Variants in LRRIQ3 observed in about 807,000 individuals in gnomAD.
The protein encoded by LRRIQ3 is leucine-rich repeat and IQ domain-containing protein 3.
Under a neutral mutation model 59.3 loss-of-function variants are expected in LRRIQ3, and 75 were observed. The observed-to-expected ratio is 1.26, with a 90% CI of 1.05 to 1.53. The LOEUF (loss-of-function observed/expected upper bound fraction) is 1.53, where lower values mean the gene tolerates loss of function less well. LRRIQ3 is among the 40% of genes most tolerant of loss of function. The pLI, the probability that LRRIQ3 is intolerant of heterozygous loss-of-function variation, is 0.00. For missense variants in LRRIQ3, 831 were observed against 710.0 expected, an observed-to-expected ratio of 1.17 and a Z score of -1.94; for synonymous variants, 250 against 231.3, an observed-to-expected ratio of 1.08 and a Z score of -0.73.
In LRRIQ3 at chr1:74,155,767, A is replaced by C; in HGVS notation, c.673T>G (p.Trp225Gly). 6.3e-7 allele frequency: 1 copy of C among 1,579,312 alleles called. No homozygotes were observed. The highest frequency in any genetic ancestry group is 8.6e-7 in the Non-Finnish European group (1 of 1,168,006). ...HNSPVLIVQR[W>G]IRGFLVRKNL... ...TTTCTAACTAAGAAACCACGTATCC[A>C]TCTTTGAACAATCAAAACTGGTGAA... The change falls in exon 4 of 8, where the codon TGG becomes GGG. Residue 225 changes from tryptophan (W) to glycine (G), a missense_variant. Physicochemically the swap from Trp to Gly is radical, Grantham distance 184. Coordinates refer to ENST00000354431, the MANE Select transcript of LRRIQ3 (RefSeq NM_001105659.2).
intron 5 of LRRIQ3, among the ~76,000 whole-genome samples, chr1:74,085,990 C>T (rs187091425): frequency 6.6e-6 from 1 of 152,116 alleles, no homozygotes; most frequent in Admixed American, 6.6e-5. Flanking sequence ...TCTGTAATCA[C>T]CCTCTCCATC....
chr1:74,042,121 T>C lies in LRRIQ3; in HGVS notation c.998-188A>G, dbSNP rs188604472. Among the ~76,000 whole-genome samples, 17 of 152,272 alleles carry C rather than the reference T, an allele frequency of 1.1e-4. 1 individual carries two copies. The highest frequency in any genetic ancestry group is 2.6e-4 in the Admixed American group (4 of 15,266). ...AGAAGAAAATCACTATTAAAACATTTTCACATAGAAATGCACTGAATCTAA... is the reference window on the plus strand; with the variant it reads ...AGAAGAAAATCACTATTAAAACATTCTCACATAGAAATGCACTGAATCTAA... On this transcript the variant is annotated intron_variant, in intron 6 of 7. Transcript: ENST00000354431.
chr1:74,139,323 C>T (rs946426419), intron 4 of LRRIQ3, among the ~76,000 whole-genome samples: 19 of 151,134 alleles, frequency 1.3e-4, no homozygotes, highest in African/African-American at 4.1e-4. Context: ...AAGGAAAAAG[C>T]GAGAAGCTAG....
chr1:74,034,424 G>T (rs190157974), intron 7 of LRRIQ3, among the ~76,000 whole-genome samples: 1 of 151,832 alleles, frequency 6.6e-6, no homozygotes, highest in South Asian at 2.1e-4. Context: ...AGATAATTCA[G>T]TTAACATATA....
chr1:74,156,423 A>AT (rs1273657361), intron 3 of LRRIQ3, among the ~76,000 whole-genome samples: 4 of 152,160 alleles, frequency 2.6e-5, no homozygotes, highest in Non-Finnish European at 5.9e-5. Flanking sequence ...TAATAAATAC[A>AT]TTTTTATTAT....
chr1:74,051,895 A>G (rs999210618), intron 6 of LRRIQ3, among the ~76,000 whole-genome samples: 2 of 152,174 alleles, frequency 1.3e-5, no homozygotes, highest in African/African-American at 4.8e-5. Flanking sequence ...TTTAGGTAGA[A>G]CAAAATATTT....
rs563024521 is a variant in LRRIQ3 at position 74,143,014 on chromosome 1, C to A, written c.707+12719G>T. Among the ~76,000 whole-genome samples, 56 of 152,010 alleles carry A rather than the reference C, an allele frequency of 3.7e-4. 1 individual carries two copies. Among genetic ancestry groups the A allele is most frequent in the Non-Finnish European group, 5.0e-4 (34 of 67,948 alleles). ...AAATATTCTGCTCCTAGTACCACTTCTGAAAAATGGAAAACTGCTTTCTAA... is the reference window on the plus strand; with the variant it reads ...AAATATTCTGCTCCTAGTACCACTTATGAAAAATGGAAAACTGCTTTCTAA... On this transcript the variant is annotated intron_variant, in intron 4 of 7. Transcript: ENST00000354431.
chr1:74,138,547 G>A, intron 4 of LRRIQ3: 1 of 952,286 alleles, frequency 1.1e-6, no homozygotes, highest in Non-Finnish European at 1.3e-6. Flanking sequence ...AAAACTGCAA[G>A]TGGAACTCTT....
intron 5 of LRRIQ3, among the ~76,000 whole-genome samples, chr1:74,076,430 T>C (rs1424108810): frequency 1.3e-5 from 2 of 152,070 alleles, no homozygotes; most frequent in Non-Finnish European, 2.9e-5. Context: ...CAAAACAATA[T>C]TTTTTTCCTC....
chr1:74,109,798 T>C (rs1262629480), intron 4 of LRRIQ3, among the ~76,000 whole-genome samples: 1 of 151,798 alleles, frequency 6.6e-6, no homozygotes, highest in African/African-American at 2.4e-5. Flanking sequence ...AATTCTGTAC[T>C]TACATCTGGC....
At chr1:74,108,993 C>A in intron 5 of LRRIQ3, 1 of 277,638 alleles carries the variant, frequency 3.6e-6, no homozygotes. Context: ...CTTTCAATTT[C>A]CACTGGGTCC....
At chr1:74,062,021 G>C (rs1302966823) in intron 6 of LRRIQ3, among the ~76,000 whole-genome samples, 1 of 152,074 alleles carries the variant, frequency 6.6e-6, no homozygotes, top group Non-Finnish European at 1.5e-5. Context: ...GAGACAGAGT[G>C]AGAGTTTTTT....
At position 74,041,548 on chromosome 1, in the gene LRRIQ3, C is replaced by G; in HGVS notation, c.1383G>C (p.Leu461Phe). 3 of 1,612,184 alleles carry G rather than the reference C, an allele frequency of 1.9e-6. No homozygotes were observed. Among genetic ancestry groups the G allele is most frequent in the Non-Finnish European group, 2.5e-6 (3 of 1,179,508 alleles). Residue 461 changes from leucine (L) to phenylalanine (F), a missense_variant, in exon 7 of 8, where the codon TTG (leucine) becomes TTC (phenylalanine). Physicochemically the swap from Leu to Phe is conservative, Grantham distance 22 (BLOSUM62 0). Transcript: ENST00000354431. ...TTTGTGTAGCATATTTTTTCTGATT[C>G]AAATGTTCATTAACAGCTACTCTAA... ...ERVRVAVNEH[L>F]NQKKYATQKL...
intron 6 of LRRIQ3, among the ~76,000 whole-genome samples, chr1:74,056,146 AAAAT>A (rs34325293): frequency 0.5 from 71,320 of 142,346 alleles, 18,322 homozygotes; most frequent in Admixed American, 0.57. Flanking sequence ...ATCTGTCTCA[AAAAT>A]AAATAAATAA....
intron 4 of LRRIQ3, among the ~76,000 whole-genome samples, chr1:74,138,111 G>T (rs1019291287): frequency 6.9e-6 from 1 of 145,956 alleles, no homozygotes; most frequent in Non-Finnish European, 1.5e-5. Flanking sequence ...AAAGGAAGAA[G>T]AAAAGAAATA....
chr1:74,040,199 AT>A (rs746303648), intron 7 of LRRIQ3, among the ~76,000 whole-genome samples: 17 of 152,208 alleles, frequency 1.1e-4, no homozygotes, highest in Non-Finnish European at 1.9e-4. Flanking sequence ...AAAGAAGGGC[AT>A]TACATAATGG....
intron 7 of LRRIQ3, among the ~76,000 whole-genome samples, chr1:74,029,422 T>C (rs1020346495): frequency 2.0e-5 from 3 of 152,256 alleles, no homozygotes; most frequent in Admixed American, 2.0e-4. Context: ...TCTTGAATTT[T>C]GTCAAAGGCC....
At chr1:74,167,756 AT>A (rs898095487) in intron 3 of LRRIQ3, among the ~76,000 whole-genome samples, 1 of 151,852 alleles carries the variant, frequency 6.6e-6, no homozygotes, top group Non-Finnish European at 1.5e-5. Flanking sequence ...ACAAAAACCT[AT>A]TCAAATGATA....
intron 4 of LRRIQ3, among the ~76,000 whole-genome samples, chr1:74,136,070 A>G (rs528467175): frequency 6.6e-6 from 1 of 152,034 alleles, no homozygotes; most frequent in African/African-American, 2.4e-5. Flanking sequence ...ACCTTACAGA[A>G]ATTAAAAATA....
Sources: allele counts gnomAD v4.1 joint callset (sites outside exome capture counted in the v4.1 genomes callset), GRCh38; gene constraint gnomAD v4.1.1; transcripts MANE v1.5; gene names NCBI Gene and HGNC (gene_info 2026-07-23, HGNC 2026-07-21).